Variants in CADM2 observed in about 807,000 individuals in gnomAD.
CADM2 encodes the protein immunoglobulin superfamily member 4D.
A neutral mutation model predicts 49.8 loss-of-function variants in CADM2; 12 were observed. The ratio of observed to expected loss-of-function variants is 0.24; its 90% CI spans 0.15 to 0.39. The LOEUF (loss-of-function observed/expected upper bound fraction) is 0.39, where lower values mean the gene tolerates loss of function less well. Ranked by LOEUF, CADM2 falls within the 10% of genes least tolerant of loss-of-function variation. The pLI is 1.00. For missense variants in CADM2, 378 were observed against 492.3 expected, an observed-to-expected ratio of 0.77 and a Z score of 2.20; for synonymous variants, 214 against 175.4, an observed-to-expected ratio of 1.22 and a Z score of -1.74.
chr3:85,716,660 G>C (rs1485280314), intron 1 of CADM2, among the ~76,000 whole-genome samples: 1 of 152,136 alleles, frequency 6.6e-6, no homozygotes, highest in Non-Finnish European at 1.5e-5. Flanking sequence ...AATCCATCTT[G>C]AGTTAATTTT....
intron 1 of CADM2, among the ~76,000 whole-genome samples, chr3:84,995,061 A>C (rs538603748): frequency 5.2e-4 from 79 of 152,228 alleles, no homozygotes; most frequent in African/African-American, 1.8e-3. Flanking sequence ...AAGAATATGT[A>C]AGTGTTCATC....
chr3:85,176,368 T>C (rs1041037972), intron 1 of CADM2, among the ~76,000 whole-genome samples: 2 of 152,216 alleles, frequency 1.3e-5, no homozygotes, highest in Non-Finnish European at 2.9e-5. Flanking sequence ...TATCCTTAGC[T>C]TGTATAAACT....
intron 1 of CADM2, among the ~76,000 whole-genome samples, chr3:85,213,719 A>G (rs1469937726): frequency 6.6e-6 from 1 of 151,878 alleles, no homozygotes; most frequent in Non-Finnish European, 1.5e-5. Flanking sequence ...TGTCCTTTTG[A>G]GACTATTTTC....
intron 1 of CADM2, among the ~76,000 whole-genome samples, chr3:85,583,320 A>G (rs2062849408): frequency 6.6e-6 from 1 of 152,126 alleles, no homozygotes. Flanking sequence ...ATATTTTCCT[A>G]GGTTGCCAAA....
intron 1 of CADM2, among the ~76,000 whole-genome samples, chr3:85,553,385 A>G (rs938351245): frequency 1.3e-5 from 2 of 152,220 alleles, no homozygotes; most frequent in African/African-American, 4.8e-5. Flanking sequence ...AACTTTCCCA[A>G]TGATACATAA....
intron 1 of CADM2, among the ~76,000 whole-genome samples, chr3:85,318,334 T>C (rs2044517357): frequency 6.6e-6 from 1 of 151,972 alleles, no homozygotes; most frequent in African/African-American, 2.4e-5. Context: ...GGAGGAAAGA[T>C]TATCAGAGAA....
Position 86,073,037 on chromosome 3 carries a change from C to A in CADM2, c.*6254C>A, listed in dbSNP as rs1339417313. The A allele has an allele frequency of 3.3e-5, 5 of 151,998 alleles. No homozygotes were observed. Among genetic ancestry groups the A allele is most frequent in the African/African-American group, 1.2e-4 (5 of 41,420 alleles). The allele number at this position is 151,998 out of a possible 1,614,324, so 9.4% of individuals were successfully genotyped here. ...GAATTTGAGATTACTGACCTGTTTT[C>A]TTCATATTGCATTCACATCAATATT... On this transcript the variant is annotated 3_prime_UTR_variant, in exon 10 of 10. Coordinates refer to ENST00000383699, the MANE Select transcript of CADM2 (RefSeq NM_001167675.2).
chr3:85,873,788 T>C (rs1711499601), intron 3 of CADM2, among the ~76,000 whole-genome samples: 1 of 152,200 alleles, frequency 6.6e-6, no homozygotes, highest in South Asian at 2.1e-4. Context: ...TTTTGATGTA[T>C]GTGAGATATT....
intron 1 of CADM2, among the ~76,000 whole-genome samples, chr3:85,388,015 G>A (rs1002422223): frequency 1.3e-5 from 2 of 152,170 alleles, no homozygotes; most frequent in African/African-American, 4.8e-5. Flanking sequence ...TAGAGACCCT[G>A]ACATAAGTCC....
At chr3:85,212,369 C>G (rs1330617957) in intron 1 of CADM2, among the ~76,000 whole-genome samples, 2 of 151,760 alleles carry the variant, frequency 1.3e-5, no homozygotes, top group South Asian at 2.1e-4. Context: ...TCCTTCCTGT[C>G]TTTGTCTTAG....
chr3:85,826,326 G>A (rs998214232), intron 3 of CADM2, among the ~76,000 whole-genome samples: 19 of 151,976 alleles, frequency 1.3e-4, no homozygotes, highest in African/African-American at 4.3e-4. Flanking sequence ...ATGAACAAAT[G>A]CACTTATCCT....
intron 1 of CADM2, among the ~76,000 whole-genome samples, chr3:85,470,810 C>A (rs1343248343): frequency 6.6e-6 from 1 of 152,108 alleles, no homozygotes; most frequent in African/African-American, 2.4e-5. Context: ...AAGGTTTCTT[C>A]ATTTCTAGCT....
intron 1 of CADM2, among the ~76,000 whole-genome samples, chr3:85,211,334 T>C (rs1383432211): frequency 1.3e-5 from 2 of 152,132 alleles, no homozygotes; most frequent in Non-Finnish European, 2.9e-5. Context: ...CTTCTACTAA[T>C]TTGGGGTTTG....
chr3:85,638,696 G>T (rs2064599553), intron 1 of CADM2, among the ~76,000 whole-genome samples: 1 of 151,932 alleles, frequency 6.6e-6, no homozygotes, highest in South Asian at 2.1e-4. Context: ...TGCTTTAAAT[G>T]CCTTAATCAT....
intron 1 of CADM2, among the ~76,000 whole-genome samples, chr3:85,570,565 G>T (rs1576832241): frequency 6.6e-6 from 1 of 151,894 alleles, no homozygotes; most frequent in East Asian, 1.9e-4. Context: ...ATTTTTTTCA[G>T]ACATATGGTC....
chr3:85,545,816 A>G (rs986484051), intron 1 of CADM2, among the ~76,000 whole-genome samples: 1 of 152,154 alleles, frequency 6.6e-6, no homozygotes, highest in African/African-American at 2.4e-5. Flanking sequence ...TAAACCTGAA[A>G]TTTAATTTTT....
Position 85,994,053 on chromosome 3 carries a change from G to A in CADM2, c.970+32406G>A, listed in dbSNP as rs953790172. On this transcript the variant is annotated intron_variant, in intron 8 of 9. Coordinates refer to ENST00000383699, the MANE Select transcript of CADM2 (RefSeq NM_001167675.2). Reference sequence around the variant, plus strand: ...TTAGAAGCTTTGAAGTCAGGCACTGGCTTCTATTCTCTACTTGTGAAAGTT... The same window carrying A: ...TTAGAAGCTTTGAAGTCAGGCACTGACTTCTATTCTCTACTTGTGAAAGTT... 3 of 152,204 alleles carry A rather than the reference G, an allele frequency of 2.0e-5. No homozygotes were observed. The South Asian group carries it at 6.2e-4, about 31-fold the overall frequency. The allele number at this position is 152,204 out of a possible 1,614,324, so 9.4% of individuals were successfully genotyped here. A position where few individuals can be genotyped will look rare whatever the true frequency, so the allele number is the denominator to read the frequency against.
intron 1 of CADM2, among the ~76,000 whole-genome samples, chr3:85,707,071 A>C (rs1279292988): frequency 6.6e-6 from 1 of 152,140 alleles, no homozygotes; most frequent in Admixed American, 6.6e-5. Flanking sequence ...GGCTCAAGAG[A>C]TCTTTCTGCT....
intron 1 of CADM2, among the ~76,000 whole-genome samples, chr3:85,525,053 G>A (rs1576717741): frequency 1.3e-5 from 2 of 152,092 alleles, no homozygotes; most frequent in South Asian, 2.1e-4. Flanking sequence ...AATACATAAC[G>A]TAGATGACAG....
Sources: allele counts gnomAD v4.1 joint callset (sites outside exome capture counted in the v4.1 genomes callset), GRCh38; gene constraint gnomAD v4.1.1; transcripts MANE v1.5; gene names NCBI Gene and HGNC (gene_info 2026-07-23, HGNC 2026-07-21).